RSPO1: variants seen among roughly 807,000 people sequenced by gnomAD.
RSPO1 encodes R-spondin 1.
Under a neutral mutation model 26.0 loss-of-function variants are expected in RSPO1, and 18 were observed. That is an observed-to-expected ratio of 0.69 (90% CI 0.48 to 1.03). The LOEUF is 1.03. RSPO1 is among the 50% of genes least tolerant of loss of function. RSPO1 has a pLI of 0.00. For synonymous variants in RSPO1, 133 were observed against 137.4 expected (o/e 0.97, Z 0.22); for missense variants, 309 against 352.3 (o/e 0.88, Z 0.98).
chr1:37,616,526 C>T lies in RSPO1; in HGVS notation c.244G>A (p.Gly82Arg), dbSNP rs1352801889. 2.5e-6 allele frequency: 4 copies of T among 1,614,056 alleles called. No individual in the cohort carries two copies. The highest frequency in any genetic ancestry group is 2.7e-5 in the African/African-American group (2 of 74,926). Residue 82 changes from glycine to arginine, a missense_variant, in exon 4 of 7, where the codon GGA (glycine) becomes AGA (arginine). Coordinates refer to ENST00000356545, the MANE Select transcript of RSPO1 (RefSeq NM_001242908.2). ...VGVCLPSCPPGYFDARNPDMN... is the reference protein window; with the variant it reads ...VGVCLPSCPPRYFDARNPDMN... ...TCGGGGTTGCGGGCGTCGAAGTATCCAGGTGGGCAGGACGGCAAGCAGACG... is the reference window on the plus strand; with the variant it reads ...TCGGGGTTGCGGGCGTCGAAGTATCTAGGTGGGCAGGACGGCAAGCAGACG...
At chr1:37,614,413 CT>C (rs1337747491) in intron 4 of RSPO1, 80 bp from the exon 5 acceptor site, 2 of 1,508,652 alleles carry the variant, frequency 1.3e-6, no homozygotes, top group Non-Finnish European at 1.8e-6. Context: ...AATACCCTCC[CT>C]TCTGTCCACA....
chr1:37,621,803 T>A (rs1014875744), intron 3 of RSPO1, among the ~76,000 whole-genome samples: 2 of 135,232 alleles, frequency 1.5e-5, no homozygotes, highest in African/African-American at 5.8e-5. Flanking sequence ...CTTTTAAGAG[T>A]TTTTTTTTTT....
intron 3 of RSPO1, among the ~76,000 whole-genome samples, chr1:37,625,479 G>A (rs533842697): frequency 3.9e-5 from 6 of 152,206 alleles, no homozygotes; most frequent in Admixed American, 1.3e-4. Flanking sequence ...GAGGAAATGG[G>A]TTTGGTAAGA....
At chr1:37,615,839 G>C (rs905062468) in intron 4 of RSPO1, among the ~76,000 whole-genome samples, 1 of 152,224 alleles carries the variant, frequency 6.6e-6, no homozygotes, top group Non-Finnish European at 1.5e-5. Flanking sequence ...GGAAGAGCAG[G>C]CTGCCTGGGC....
chr1:37,619,957 C>T (rs1170553734), intron 3 of RSPO1, among the ~76,000 whole-genome samples: 1 of 152,090 alleles, frequency 6.6e-6, no homozygotes, highest in East Asian at 1.9e-4. Flanking sequence ...CCATGTTGGT[C>T]AGGCTGGTCT....
At chr1:37,627,909 T>G (rs1347581070) in intron 3 of RSPO1, among the ~76,000 whole-genome samples, 2 of 152,198 alleles carry the variant, frequency 1.3e-5, no homozygotes, top group Admixed American at 1.3e-4. Flanking sequence ...CACTTGGTAA[T>G]GAAAACTGGC....
At chr1:37,614,009 G>A in intron 5 of RSPO1, 117 bp from the exon 6 acceptor site, 8 of 1,361,784 alleles carry the variant, frequency 5.9e-6, no homozygotes, top group Non-Finnish European at 8.3e-6. Flanking sequence ...TGGACCTGAG[G>A]CTGCAGGTAT....
Position 37,613,511 on chromosome 1 carries a change from A to C in RSPO1, c.625+193T>G, listed in dbSNP as rs551783670. ...CAGAAGCTTCCAGCTTCCACTATGC[A>C]GAGTTCTGAGGCCCTGTTCTCTGCC... On this transcript the variant is annotated intron_variant, in intron 6 of 6. Coordinates refer to ENST00000356545, the MANE Select transcript of RSPO1 (RefSeq NM_001242908.2). This position sits in a 1 kb window ranked among gnomAD's most constrained non-coding sequence, Gnocchi z 4.5. 5.3e-5 allele frequency among the ~76,000 whole-genome samples: 8 copies of C among 152,328 alleles called. No homozygotes were observed. In the East Asian group the frequency reaches 1.5e-3, roughly 29 times the overall value.
At chr1:37,618,134 T>A (rs928420159) in intron 3 of RSPO1, among the ~76,000 whole-genome samples, 3 of 152,162 alleles carry the variant, frequency 2.0e-5, no homozygotes, top group Non-Finnish European at 4.4e-5. Context: ...TTTTCTATCT[T>A]TATATCATGC....
intron 3 of RSPO1, among the ~76,000 whole-genome samples, chr1:37,626,680 A>C (rs1570119099): frequency 6.6e-6 from 1 of 152,042 alleles, no homozygotes; most frequent in East Asian, 1.9e-4. Flanking sequence ...CTCCAGATGG[A>C]GGATGGGGCA....
At chr1:37,615,342 A>C (rs143406151) in intron 4 of RSPO1, among the ~76,000 whole-genome samples, 19 of 152,322 alleles carry the variant, frequency 1.2e-4, no homozygotes, top group Non-Finnish European at 2.4e-4. Flanking sequence ...GCTACCATTC[A>C]TTGAGTGCCA....
At chr1:37,614,474 GAGGAAT>G in intron 4 of RSPO1, 141 bp from the exon 5 acceptor site, 1 of 916,668 alleles carries the variant, frequency 1.1e-6, no homozygotes, top group Non-Finnish European at 1.7e-6. Flanking sequence ...AGGTACTGCA[GAGGAAT>G]CTTGGGAGGA....
chr1:37,613,418 C>T lies in RSPO1; in HGVS notation c.625+286G>A, dbSNP rs921289247. ...CCTTTTCACCCACCCATCCTGCCTCCGAGGGGCCTTCTAGTATGAACATCC... is the reference window on the plus strand; with the variant it reads ...CCTTTTCACCCACCCATCCTGCCTCTGAGGGGCCTTCTAGTATGAACATCC... On this transcript the variant is annotated intron_variant, in intron 6 of 6. Transcript: ENST00000356545. This position sits in a 1 kb window ranked among gnomAD's most constrained non-coding sequence, Gnocchi z 4.5. Among the ~76,000 whole-genome samples, 10 of 152,204 alleles carry T rather than the reference C, an allele frequency of 6.6e-5. No individual in the cohort carries two copies. The highest frequency in any genetic ancestry group is 1.7e-4 in the African/African-American group (7 of 41,458).
Position 37,613,972 on chromosome 1 carries a change from G to T in RSPO1, c.437-80C>A. On this transcript the variant is annotated intron_variant, in intron 5 of 6. Coordinates refer to ENST00000356545, the MANE Select transcript of RSPO1 (RefSeq NM_001242908.2). This position sits in a 1 kb window ranked among gnomAD's most constrained non-coding sequence, Gnocchi z 4.5. ...CCTCCTCTGGCCCAGAATAGCCCAG[G>T]GGAGCATCTCCCACTTTCCTTCTGC... 1 of 1,501,146 alleles carries T rather than the reference G, an allele frequency of 6.7e-7. No individual in the cohort carries two copies. The highest frequency in any genetic ancestry group is 2.3e-5 in the East Asian group (1 of 44,316). The allele number at this position is 1,501,146 out of a possible 1,614,324, so 93.0% of individuals were successfully genotyped here.
At chr1:37,617,100 C>G (rs1297384367) in intron 3 of RSPO1, among the ~76,000 whole-genome samples, 1 of 152,178 alleles carries the variant, frequency 6.6e-6, no homozygotes, top group Non-Finnish European at 1.5e-5. Context: ...TAGAAAAGGA[C>G]CACCTACCCA....
At position 37,612,624 on chromosome 1, in the gene RSPO1, G is replaced by A; in HGVS notation, c.*131C>T. The A allele has an allele frequency of 1.1e-6, 1 of 943,922 alleles. No homozygotes were observed. The highest frequency in any genetic ancestry group is 1.7e-6 in the Non-Finnish European group (1 of 591,606). The allele number at this position is 943,922 out of a possible 1,614,324, so 58.5% of individuals were successfully genotyped here. On this transcript the variant is annotated 3_prime_UTR_variant, in exon 7 of 7. Transcript: ENST00000356545. ...AGGGGTTTGAGCGTGTGTGTCTTGT[G>A]TCTATGTATGCATGGATGGATTGGA...
chr1:37,622,053 G>A (rs1358884280), intron 3 of RSPO1, among the ~76,000 whole-genome samples: 6 of 152,294 alleles, frequency 3.9e-5, no homozygotes, highest in Middle Eastern at 6.8e-3. Flanking sequence ...TGGAGAGTGA[G>A]AAGAGGAACT....
At chr1:37,622,195 A>G (rs1352067685) in intron 3 of RSPO1, among the ~76,000 whole-genome samples, 1 of 152,198 alleles carries the variant, frequency 6.6e-6, no homozygotes, top group African/African-American at 2.4e-5. Flanking sequence ...CAGAAGAGAG[A>G]GGCATCAACA....
At chr1:37,630,082 A>G (rs1644334774) in intron 2 of RSPO1, 133 bp from the exon 3 acceptor site, 2 of 601,462 alleles carry the variant, frequency 3.3e-6, no homozygotes, top group African/African-American at 3.7e-5. Flanking sequence ...GCACCTTTCT[A>G]GAAGAAATCT....
Sources: gnomAD v4.1 joint callset for allele counts (sites outside exome capture counted in the v4.1 genomes callset) on GRCh38, gnomAD v4.1.1 for gene constraint, Gnocchi (gnomAD v3.1) non-coding constraint, MANE v1.5 for transcripts, NCBI Gene and HGNC (gene_info 2026-07-23, HGNC 2026-07-21) for gene names.